WWOX: variants seen among roughly 807,000 people sequenced by gnomAD.
The protein encoded by WWOX is WW domain containing oxidoreductase, also known as WW domain-containing oxidoreductase.
WWOX carries 69 observed loss-of-function variants against 46.2 expected under a neutral mutation model. The observed-to-expected ratio is 1.49, with a 90% confidence interval of 1.23 to 1.82. The LOEUF (loss-of-function observed/expected upper bound fraction) is 1.82, where lower values mean the gene tolerates loss of function less well. Ranked by LOEUF, WWOX falls within the 40% of genes most tolerant of loss-of-function variation. The pLI is 0.00. For missense variants in WWOX, 919 were observed against 542.6 expected, an observed-to-expected ratio of 1.69 and a Z score of -6.89; for synonymous variants, 359 against 202.6, an observed-to-expected ratio of 1.77 and a Z score of -6.56.
intron 8 of WWOX, among the ~76,000 whole-genome samples, chr16:78,846,056 C>G (rs931904640): frequency 6.6e-6 from 1 of 152,172 alleles, no homozygotes; most frequent in African/African-American, 2.4e-5. Context: ...AGTTTGGAAT[C>G]TGGCACAAGT....
chr16:78,565,509 C>G (rs576521551), intron 8 of WWOX, among the ~76,000 whole-genome samples: 6 of 152,228 alleles, frequency 3.9e-5, no homozygotes, highest in African/African-American at 9.6e-5. Context: ...TTCTCCTCAT[C>G]TGGCCCTCTG....
intron 8 of WWOX, among the ~76,000 whole-genome samples, chr16:79,193,053 T>G (rs2051168415): frequency 1.3e-5 from 2 of 152,242 alleles, no homozygotes; most frequent in African/African-American, 4.8e-5. Context: ...GCCAAAGAGT[T>G]GCCAATTCTC....
chr16:79,171,007 T>G (rs1451179801), intron 8 of WWOX, among the ~76,000 whole-genome samples: 1 of 152,234 alleles, frequency 6.6e-6, no homozygotes, highest in Non-Finnish European at 1.5e-5. Flanking sequence ...GGGAAATGTT[T>G]CCAAGAATAG....
chr16:78,359,484 T>G (rs1312256736), intron 5 of WWOX, among the ~76,000 whole-genome samples: 2 of 152,190 alleles, frequency 1.3e-5, no homozygotes, highest in Non-Finnish European at 2.9e-5. Flanking sequence ...AGTTGGTACT[T>G]AAGAAATCGT....
At chr16:78,106,512 G>A (rs749411350) in intron 1 of WWOX, among the ~76,000 whole-genome samples, 1 of 151,084 alleles carries the variant, frequency 6.6e-6, no homozygotes, top group Non-Finnish European at 1.5e-5. Flanking sequence ...TGCCTGCCGG[G>A]TTGAAGCAAT....
intron 8 of WWOX, among the ~76,000 whole-genome samples, chr16:78,715,707 C>A (rs2048545326): frequency 6.6e-6 from 1 of 152,176 alleles, no homozygotes; most frequent in Non-Finnish European, 1.5e-5. Flanking sequence ...GAACTCCTGA[C>A]TTCAGGTGGT....
chr16:78,823,181 A>G (rs574775781), intron 8 of WWOX, among the ~76,000 whole-genome samples: 7 of 152,316 alleles, frequency 4.6e-5, no homozygotes, highest in Middle Eastern at 3.4e-3. Context: ...GGTCATTCAA[A>G]TCTAATGGTG....
chr16:78,454,230 C>G (rs2083757457), intron 8 of WWOX, among the ~76,000 whole-genome samples: 1 of 152,132 alleles, frequency 6.6e-6, no homozygotes, highest in Non-Finnish European at 1.5e-5. Context: ...TAGGCTGTAG[C>G]AGGACAAATT....
chr16:78,857,724 T>C (rs1597728853), intron 8 of WWOX, among the ~76,000 whole-genome samples: 1 of 152,348 alleles, frequency 6.6e-6, no homozygotes, highest in East Asian at 1.9e-4. Context: ...AGTAACATTA[T>C]AATAAAACTT....
rs182301671 is a variant in WWOX, at chr16:78,905,151, G to T, written c.1057-306457G>T. 4.4e-3 allele frequency among the ~76,000 whole-genome samples: 675 copies of T among 152,260 alleles called. 1 individual carries two copies. Among genetic ancestry groups the T allele is most frequent in the Non-Finnish European group, 8.0e-3 (541 of 68,024 alleles). ...CTCTGATTTGGAACTGACCCTCTAT[G>T]AGGGGTTATACCCCTGGACACCAAG... On this transcript the variant is annotated intron_variant, in intron 8 of 8. Coordinates refer to ENST00000566780, the MANE Select transcript of WWOX (RefSeq NM_016373.4).
At chr16:78,533,214 A>T (rs1401758684) in intron 8 of WWOX, among the ~76,000 whole-genome samples, 2 of 152,072 alleles carry the variant, frequency 1.3e-5, no homozygotes, top group African/African-American at 4.8e-5. Flanking sequence ...GTTGACGGAG[A>T]GGGGACAGGA....
intron 8 of WWOX, among the ~76,000 whole-genome samples, chr16:78,988,494 T>C (rs991827727): frequency 6.6e-6 from 1 of 152,116 alleles, no homozygotes; most frequent in Non-Finnish European, 1.5e-5. Context: ...TGGAAGGAGC[T>C]GTAACCTTTG....
At chr16:78,713,307 T>A (rs2048485528) in intron 8 of WWOX, among the ~76,000 whole-genome samples, 2 of 140,776 alleles carry the variant, frequency 1.4e-5, no homozygotes, top group Non-Finnish European at 3.0e-5. Flanking sequence ...AAAAAGCTAG[T>A]AGCACACCCC....
At chr16:78,643,826 C>CAAAAAAAAA (rs5818156) in intron 8 of WWOX, among the ~76,000 whole-genome samples, 1 of 138,580 alleles carries the variant, frequency 7.2e-6, no homozygotes. Context: ...CCCCTAACTC[C>CAAAAAAAAA]AAAAAAAAAA....
intron 8 of WWOX, among the ~76,000 whole-genome samples, chr16:78,850,990 G>C (rs61277932): frequency 0.012 from 1,856 of 152,282 alleles, 40 homozygotes; most frequent in African/African-American, 0.043. Flanking sequence ...TCTGCATGTA[G>C]TGTTTCTTTT....
At position 78,169,904 on chromosome 16, in the gene WWOX, G is replaced by C. The variant is rs188535661; in HGVS notation, c.516+5615G>C. Among the ~76,000 whole-genome samples, 11 of 152,308 alleles carry C rather than the reference G, an allele frequency of 7.2e-5. No individual in the cohort carries two copies. The East Asian group carries it at 1.2e-3, about 16-fold the overall frequency. The stretch of plus-strand genomic sequence containing the variant: ...TAACAGAGAGTGCAGAAGAGCTTCT[G>C]TTGGGGACTGGCCATTAGTATAGCG... On this transcript the variant is annotated intron_variant, in intron 5 of 8. Coordinates refer to ENST00000566780, the MANE Select transcript of WWOX (RefSeq NM_016373.4).
At chr16:78,593,442 T>C (rs2045398768) in intron 8 of WWOX, among the ~76,000 whole-genome samples, 1 of 152,204 alleles carries the variant, frequency 6.6e-6, no homozygotes, top group African/African-American at 2.4e-5. Context: ...TGCACCTGTC[T>C]TCCTCTTCAG....
At chr16:78,658,239 G>T (rs948836764) in intron 8 of WWOX, among the ~76,000 whole-genome samples, 8 of 152,098 alleles carry the variant, frequency 5.3e-5, no homozygotes, top group African/African-American at 1.2e-4. Context: ...TACAGTTTTG[G>T]TTCTTTCCAT....
At chr16:78,252,138 A>G (rs1394525027) in intron 5 of WWOX, among the ~76,000 whole-genome samples, 2 of 152,304 alleles carry the variant, frequency 1.3e-5, no homozygotes, top group East Asian at 1.9e-4. Context: ...CTTTGGGGAA[A>G]GAGGGGCATC....
Sources: allele counts gnomAD v4.1 joint callset (sites outside exome capture counted in the v4.1 genomes callset), GRCh38; gene constraint gnomAD v4.1.1; transcripts MANE v1.5; gene names NCBI Gene and HGNC (gene_info 2026-07-23, HGNC 2026-07-21).